Variants in SCN7A observed in about 807,000 individuals in gnomAD.
SCN7A encodes sodium voltage-gated channel alpha subunit 7.
SCN7A carries 138 observed loss-of-function variants against 155.2 expected under a neutral mutation model. The observed-to-expected ratio is 0.89, with a 90% CI of 0.77 to 1.02. SCN7A has a LOEUF of 1.02. Ranked by LOEUF, SCN7A falls within the 50% of genes least tolerant of loss-of-function variation. SCN7A has a pLI of 0.00. For missense variants in SCN7A, 2,058 were observed against 1,986.6 expected, an observed-to-expected ratio of 1.04 and a Z score of -0.68; for synonymous variants, 693 against 649.0, an observed-to-expected ratio of 1.07 and a Z score of -1.03.
In SCN7A at chr2:166,404,333, A is replaced by G. The variant is rs1345098219; in HGVS notation, c.*1247T>C. ...AAAACAATTTCAATAGTGAAAACTA[A>G]TGTTTAGGATTTTACAGTTCTTTGA... is the stretch of plus-strand genomic sequence containing the variant. On this transcript the variant is annotated 3_prime_UTR_variant, in exon 26 of 26. Transcript: ENST00000643258. 1 of 151,960 alleles carries G rather than the reference A, an allele frequency of 6.6e-6. No homozygotes were observed. Among genetic ancestry groups the G allele is most frequent in the East Asian group, 1.9e-4 (1 of 5,178 alleles). 9.4% of individuals were successfully genotyped at this position (151,960 alleles called of 1,614,324 possible).
rs1379187560 is a variant in SCN7A at position 166,432,590 on chromosome 2, G to C, written c.2320C>G (p.Pro774Ala). Residue 774 changes from proline (P) to alanine (A), a missense_variant, in exon 16 of 26, where the codon CCA becomes GCA. Coordinates refer to ENST00000643258, the MANE Select transcript of SCN7A (RefSeq NM_002976.4). ...LKILCKTQNV[P>A]KDTMDHVNEV... ...TTTACATGGTCCATTGTGTCCTTTG[G>C]GACATTTTGTGTTTTGCATAGTATT... The C allele has an allele frequency of 1.9e-6, 3 of 1,612,856 alleles. No individual in the cohort carries two copies. In the African/African-American group the frequency reaches 4.0e-5, roughly 22 times the overall value.
At chr2:166,413,198 C>T (rs1701240510) in intron 21 of SCN7A, 77 bp from the exon 22 acceptor site, 2 of 807,398 alleles carry the variant, frequency 2.5e-6, no homozygotes, top group Middle Eastern at 2.3e-4. Flanking sequence ...TATTAGTGCA[C>T]TGAAATATTT....
intron 7 of SCN7A, among the ~76,000 whole-genome samples, chr2:166,467,155 T>G (rs1025939094): frequency 6.6e-6 from 1 of 151,892 alleles, no homozygotes; most frequent in Non-Finnish European, 1.5e-5. Context: ...TTACCATTGA[T>G]ACACATGTTC....
At chr2:166,431,411 G>C (rs1356857524) in intron 16 of SCN7A, among the ~76,000 whole-genome samples, 1 of 152,072 alleles carries the variant, frequency 6.6e-6, no homozygotes, top group Non-Finnish European at 1.5e-5. Flanking sequence ...AAACAGAAGA[G>C]GTCTGGGAGA....
intron 1 of SCN7A, among the ~76,000 whole-genome samples, chr2:166,487,275 T>C (rs1703074096): frequency 6.6e-6 from 1 of 152,176 alleles, no homozygotes; most frequent in Non-Finnish European, 1.5e-5. Context: ...GAATGCTGTC[T>C]CTAGAGAGCC....
chr2:166,409,787 T>C lies in SCN7A; in HGVS notation c.3860A>G (p.Asn1287Ser). 1 of 1,570,432 alleles carries C rather than the reference T, an allele frequency of 6.4e-7. No homozygotes were observed. Among genetic ancestry groups the C allele is most frequent in the Non-Finnish European group, 8.7e-7 (1 of 1,155,610 alleles). Residue 1287 changes from asparagine to serine, a missense_variant, in exon 25 of 26, where the codon AAC becomes AGC. Transcript: ENST00000643258. ...AGTATATAGCATAACAAAAATTGAG[T>C]TAATCCAGTAGAGAGCAATGGACAT... ...LQMSIALYWI[N>S]SIFVMLYTME... is the part of the protein sequence containing the mutation.
chr2:166,464,586 A>T (rs1274751954), intron 9 of SCN7A, among the ~76,000 whole-genome samples: 2 of 152,176 alleles, frequency 1.3e-5, no homozygotes, highest in Non-Finnish European at 2.9e-5. Context: ...CATATAAGAG[A>T]TTAAATAAGT....
intron 23 of SCN7A, 69 bp downstream of exon 23, chr2:166,412,461 G>A: frequency 7.7e-7 from 1 of 1,290,354 alleles, no homozygotes; most frequent in Non-Finnish European, 9.9e-7. Context: ...TTGAAGCAGG[G>A]CATTTATATA....
chr2:166,447,718 A>G lies in SCN7A; in HGVS notation c.1291-10T>C. 1 of 1,595,224 alleles carries G rather than the reference A, an allele frequency of 6.3e-7. No individual in the cohort carries two copies. Among genetic ancestry groups the G allele is most frequent in the Non-Finnish European group, 8.6e-7 (1 of 1,163,450 alleles). On this transcript the variant is annotated splice_polypyrimidine_tract_variant and intron_variant, in intron 11 of 25. Transcript: ENST00000643258. ...TTTGTATGGTCTTGGCCTGAAAAGGAATTTGATGGTTTAATACTGGCTTCC... is the reference window on the plus strand; with the variant it reads ...TTTGTATGGTCTTGGCCTGAAAAGGGATTTGATGGTTTAATACTGGCTTCC...
intron 9 of SCN7A, among the ~76,000 whole-genome samples, chr2:166,464,444 T>C (rs1463644718): frequency 1.3e-5 from 2 of 152,080 alleles, no homozygotes; most frequent in Non-Finnish European, 2.9e-5. Flanking sequence ...GTTTCCCCTT[T>C]ATGAATTGTA....
At chr2:166,427,058 G>A (rs190067812) in intron 18 of SCN7A, among the ~76,000 whole-genome samples, 71 of 152,122 alleles carry the variant, frequency 4.7e-4, no homozygotes, top group Admixed American at 1.7e-3. Flanking sequence ...ATAAAAGGCA[G>A]AGTGCCATAC....
chr2:166,449,588 T>C (rs992312599), intron 11 of SCN7A, among the ~76,000 whole-genome samples: 3 of 152,134 alleles, frequency 2.0e-5, no homozygotes, highest in African/African-American at 7.2e-5. Context: ...CGACAGACTC[T>C]GCAGGTCTAC....
chr2:166,443,633 AT>A lies in SCN7A; in HGVS notation c.1669del (p.Ile557LeufsTer11). On this transcript the variant is annotated frameshift_variant, in exon 14 of 26. Coordinates refer to ENST00000643258, the MANE Select transcript of SCN7A (RefSeq NM_002976.4). LOFTEE classifies it high-confidence loss of function. ...IFTAEMIFKI[I>X]AMHPYGYFQV... ...GAAATACCCATATGGATGCATTGCAATTATTTTAAAAATCATTTCTGCTGTG... is the reference window on the plus strand; with the variant it reads ...GAAATACCCATATGGATGCATTGCAATATTTTAAAAATCATTTCTGCTGTG... 6.4e-7 allele frequency: 1 copy of A among 1,560,978 alleles called. No individual in the cohort carries two copies. Among genetic ancestry groups the A allele is most frequent in the Non-Finnish European group, 8.7e-7 (1 of 1,152,084 alleles).
chr2:166,481,585 GA>G (rs1479324365), intron 2 of SCN7A, among the ~76,000 whole-genome samples: 1 of 152,122 alleles, frequency 6.6e-6, no homozygotes, highest in Non-Finnish European at 1.5e-5. Flanking sequence ...TGTCTGCCAA[GA>G]ACACTAATAT....
chr2:166,492,669 A>C (rs1197122615), intron 1 of SCN7A, among the ~76,000 whole-genome samples: 1 of 152,220 alleles, frequency 6.6e-6, no homozygotes, highest in East Asian at 1.9e-4. Context: ...CCTCTAGTGC[A>C]TTCTAGAGAT....
chr2:166,451,067 C>G (rs78688751), intron 11 of SCN7A, among the ~76,000 whole-genome samples: 1 of 151,962 alleles, frequency 6.6e-6, no homozygotes, highest in Non-Finnish European at 1.5e-5. Context: ...ATTAATTACT[C>G]TTCATAGAGC....
chr2:166,490,903 C>A (rs754900622), intron 1 of SCN7A, among the ~76,000 whole-genome samples: 3 of 152,164 alleles, frequency 2.0e-5, no homozygotes, highest in Non-Finnish European at 2.9e-5. Flanking sequence ...TAGAAAGGTG[C>A]CTTGAAACAT....
chr2:166,426,789 G>T (rs1378850582), intron 18 of SCN7A, among the ~76,000 whole-genome samples: 1 of 151,986 alleles, frequency 6.6e-6, no homozygotes, highest in African/African-American at 2.4e-5. Context: ...AGTCACAAAC[G>T]TGCATTCACA....
At position 166,432,725 on chromosome 2, in the gene SCN7A, T is replaced by C. The variant is rs374296587; in HGVS notation, c.2185A>G (p.Ser729Gly). 3.2e-6 allele frequency: 5 copies of C among 1,554,600 alleles called. No homozygotes were observed. The highest frequency in any genetic ancestry group is 2.8e-5 in the African/African-American group (2 of 72,550). The change falls in exon 16 of 26, where the codon AGC becomes GGC. Residue 729 changes from serine to glycine, a missense_variant. By Grantham distance (56) the Ser-to-Gly change is moderately conservative. Coordinates refer to ENST00000643258, the MANE Select transcript of SCN7A (RefSeq NM_002976.4). ...LVLYLFLALV[S>G]SFSSCKDVTA... Reference sequence around the variant, plus strand: ...ACATCCTTGCATGAACTAAATGAGCTCACCAATGCCAGAAACAGGTAAAGT... The same window carrying C: ...ACATCCTTGCATGAACTAAATGAGCCCACCAATGCCAGAAACAGGTAAAGT...
Sources: gnomAD v4.1 joint callset for allele counts (sites outside exome capture counted in the v4.1 genomes callset) on GRCh38, gnomAD v4.1.1 for gene constraint, MANE v1.5 for transcripts, NCBI Gene and HGNC (gene_info 2026-07-23, HGNC 2026-07-21) for gene names.